ZC3H14: variants seen among roughly 807,000 people sequenced by gnomAD.
The protein encoded by ZC3H14 is zinc finger CCCH-type containing 14.
A neutral mutation model predicts 92.4 loss-of-function variants in ZC3H14; 31 were observed. The observed-to-expected ratio is 0.34, with a 90% CI of 0.25 to 0.45. The LOEUF is 0.45. Among genes scored for constraint, ZC3H14 ranks in the 20% least tolerant of loss-of-function variants. The pLI is 1.00. For missense variants in ZC3H14, 781 were observed against 897.3 expected (o/e 0.87, Z 1.66); for synonymous variants, 321 against 300.9 (o/e 1.07, Z -0.69).
chr14:88,579,510 C>T (rs2081619213), intron 9 of ZC3H14, among the ~76,000 whole-genome samples: 2 of 152,140 alleles, frequency 1.3e-5, no homozygotes, highest in Non-Finnish European at 2.9e-5. Flanking sequence ...CCAAGGTTTT[C>T]TTCAAACACA....
intron 2 of ZC3H14, among the ~76,000 whole-genome samples, chr14:88,567,124 A>ATTTATTTTTTTT (rs142510062): frequency 1.4e-5 from 2 of 145,238 alleles, no homozygotes; most frequent in South Asian, 2.1e-4. Context: ...TTATTTATTT[A>ATTTATTTTTTTT]TTTTTTTTTG....
At chr14:88,579,966 C>CTTTG in intron 9 of ZC3H14, among the ~76,000 whole-genome samples, 1 of 152,194 alleles carries the variant, frequency 6.6e-6, no homozygotes, top group Non-Finnish European at 1.5e-5. Flanking sequence ...AATCCCAACA[C>CTTTG]TTTGGGAGGC....
At chr14:88,584,977 A>G (rs2082308870) in intron 9 of ZC3H14, among the ~76,000 whole-genome samples, 1 of 152,216 alleles carries the variant, frequency 6.6e-6, no homozygotes, top group Non-Finnish European at 1.5e-5. Flanking sequence ...AAAAAAATGT[A>G]TGAAGCTGCC....
In ZC3H14 at chr14:88,618,164, G is replaced by T; in HGVS notation, c.*6413G>T. On this transcript the variant is annotated 3_prime_UTR_variant, in exon 17 of 17. Coordinates refer to ENST00000251038, the MANE Select transcript of ZC3H14 (RefSeq NM_024824.5). ...TTATTGGAATGGCTCTAACAGTTCA[G>T]AAATAGGATTTTCTAACTGGCCTTC... 7.1e-7 allele frequency: 1 copy of T among 1,404,206 alleles called. No homozygotes were observed. The allele number at this position is 1,404,206 out of a possible 1,614,324, so 87.0% of individuals were successfully genotyped here. A position where few individuals can be genotyped will look rare whatever the true frequency, so the allele number is the denominator to read the frequency against.
intron 9 of ZC3H14, among the ~76,000 whole-genome samples, chr14:88,588,643 T>C (rs994663303): frequency 6.6e-6 from 1 of 152,194 alleles, no homozygotes; most frequent in African/African-American, 2.4e-5. Flanking sequence ...GGTACCCTTT[T>C]AATTTGAAAA....
At chr14:88,603,419 A>G (rs879264444) in intron 12 of ZC3H14, among the ~76,000 whole-genome samples, 2 of 152,242 alleles carry the variant, frequency 1.3e-5, no homozygotes, top group Non-Finnish European at 2.9e-5. Flanking sequence ...GTCTCTTGCA[A>G]TTAACTTGAG....
chr14:88,597,418 AC>A (rs960492373), intron 10 of ZC3H14, among the ~76,000 whole-genome samples: 1 of 152,194 alleles, frequency 6.6e-6, no homozygotes, highest in African/African-American at 2.4e-5. Context: ...AACACAGGCA[AC>A]CATGAGAGAC....
chr14:88,609,439 AAAT>A (rs1423427695), intron 14 of ZC3H14, 36 bp downstream of exon 14: 9 of 1,613,600 alleles, frequency 5.6e-6, no homozygotes, highest in Non-Finnish European at 7.6e-6. Context: ...TTTGGGTAAA[AAAT>A]ATAAAATGGC....
intron 15 of ZC3H14, among the ~76,000 whole-genome samples, chr14:88,610,299 G>C (rs2086373305): frequency 6.6e-6 from 1 of 152,134 alleles, no homozygotes; most frequent in African/African-American, 2.4e-5. Flanking sequence ...GCGTAGATGA[G>C]GGTACTCAGT....
At chr14:88,565,498 C>T (rs949847917) in intron 2 of ZC3H14, among the ~76,000 whole-genome samples, 8 of 152,096 alleles carry the variant, frequency 5.3e-5, no homozygotes, top group Admixed American at 1.3e-4. Flanking sequence ...AATATATCAA[C>T]GTGTCAGTGG....
intron 10 of ZC3H14, among the ~76,000 whole-genome samples, chr14:88,599,116 G>A (rs1340711409): frequency 6.6e-6 from 1 of 152,140 alleles, no homozygotes; most frequent in East Asian, 1.9e-4. Flanking sequence ...TGGAATTAGA[G>A]TTGAAGAAGA....
chr14:88,594,815 CTTG>C, intron 9 of ZC3H14: 1 of 1,614,028 alleles, frequency 6.2e-7, no homozygotes, highest in Non-Finnish European at 8.5e-7. Flanking sequence ...ACAAGCTCCT[CTTG>C]TTCACTGAAT....
chr14:88,590,695 A>G (rs545929552), intron 9 of ZC3H14: 7 of 152,284 alleles, frequency 4.6e-5, no homozygotes, highest in East Asian at 1.9e-4. Flanking sequence ...TTCTTTTAGC[A>G]TGTATTTTTT....
chr14:88,578,224 T>C (rs2081415336), intron 9 of ZC3H14, 84 bp downstream of exon 9: 12 of 1,512,902 alleles, frequency 7.9e-6, no homozygotes, highest in East Asian at 2.3e-5. Context: ...TTATGAAATA[T>C]TACACTATGA....
Position 88,616,269 on chromosome 14 carries a change from G to C in ZC3H14, c.*4518G>C. 6.2e-7 allele frequency: 1 copy of C among 1,607,280 alleles called. No individual in the cohort carries two copies. The highest frequency in any genetic ancestry group is 8.5e-7 in the Non-Finnish European group (1 of 1,173,996). ...TAAAAAACAATGACAGACAAGCTCA[G>C]GGCATTTGGTGCACACAGAAGTCAA... On this transcript the variant is annotated 3_prime_UTR_variant, in exon 17 of 17. Transcript: ENST00000251038.
In ZC3H14 at chr14:88,611,797, A is replaced by G. The variant is rs79516247; in HGVS notation, c.*46A>G. 2.7e-3 allele frequency: 4,332 copies of G among 1,613,418 alleles called. 104 individuals carry two copies. In the African/African-American group the frequency reaches 0.052, roughly 19 times the overall value. ...AAGATCATGCAGTTTGGAAGTTTTC[A>G]TGTACTGATGAAAGATACTCTACAG... On this transcript the variant is annotated 3_prime_UTR_variant, in exon 17 of 17. Coordinates refer to ENST00000251038, the MANE Select transcript of ZC3H14 (RefSeq NM_024824.5).
At chr14:88,565,017 C>G (rs1595460441) in intron 2 of ZC3H14, among the ~76,000 whole-genome samples, 1 of 152,146 alleles carries the variant, frequency 6.6e-6, no homozygotes, top group South Asian at 2.1e-4. Context: ...TGTTGCCAAT[C>G]ACATGTGAGC....
chr14:88,571,757 G>A (rs2080427387), intron 4 of ZC3H14, among the ~76,000 whole-genome samples: 1 of 151,974 alleles, frequency 6.6e-6, no homozygotes, highest in African/African-American at 2.4e-5. Context: ...CTCAGGAGAT[G>A]GAGACCATCT....
chr14:88,563,253 G>GTGGACGCCGCGGCC, intron 1 of ZC3H14, 84 bp downstream of exon 1: 1 of 1,550,646 alleles, frequency 6.4e-7, no homozygotes, highest in South Asian at 1.2e-5. Context: ...GTGGGCCCGG[G>GTGGACGCCGCGGCC]TGGACGCCGC....
Sources: gnomAD v4.1 joint callset for allele counts (sites outside exome capture counted in the v4.1 genomes callset) on GRCh38, gnomAD v4.1.1 for gene constraint, MANE v1.5 for transcripts, NCBI Gene and HGNC (gene_info 2026-07-23, HGNC 2026-07-21) for gene names.